Variants in HACE1 observed in about 807,000 individuals in gnomAD.
The protein encoded by HACE1 is E3 ubiquitin-protein ligase HACE1.
Under a neutral mutation model 118.4 loss-of-function variants are expected in HACE1, and 73 were observed. That is an observed-to-expected ratio of 0.62 (90% CI 0.51 to 0.75). The LOEUF is 0.75. HACE1 is among the 30% of genes least tolerant of loss of function. The probability of loss-of-function intolerance (pLI) is 0.00; values close to 1 mark genes in which losing one functional copy is unlikely to be tolerated. For missense variants in HACE1, 749 were observed against 1,102.2 expected, an observed-to-expected ratio of 0.68 and a Z score of 4.54; for synonymous variants, 368 against 374.8, an observed-to-expected ratio of 0.98 and a Z score of 0.21.
intron 22 of HACE1, among the ~76,000 whole-genome samples, chr6:104,737,976 G>A (rs938775849): frequency 6.6e-6 from 1 of 152,320 alleles, no homozygotes; most frequent in East Asian, 1.9e-4. Flanking sequence ...CGCAGCTGGA[G>A]ATCTGAGAAC....
chr6:104,774,991 A>G (rs1272554794), intron 17 of HACE1, among the ~76,000 whole-genome samples: 2 of 152,194 alleles, frequency 1.3e-5, no homozygotes, highest in Non-Finnish European at 2.9e-5. Flanking sequence ...GCTTGATTTT[A>G]ATTTATTAAT....
At position 104,773,550 on chromosome 6, in the gene HACE1, G is replaced by C. The variant is rs553943551; in HGVS notation, c.1865-1476C>G. Among the ~76,000 whole-genome samples the C allele has an allele frequency of 3.4e-4, 52 of 151,880 alleles. 1 individual carries two copies. Among genetic ancestry groups the C allele is most frequent in the Admixed American group, 9.8e-4 (15 of 15,256 alleles). On this transcript the variant is annotated intron_variant, in intron 17 of 23. Transcript: ENST00000262903. ...CAAAGCAAAGCTTTGTGAGATAAAG[G>C]CAGACTTCAAAGACAAATATAATCA...
chr6:104,848,482 A>C (rs1411337918), intron 4 of HACE1, among the ~76,000 whole-genome samples: 2 of 151,786 alleles, frequency 1.3e-5, no homozygotes. Context: ...AAGAGTTTAT[A>C]AAATATAAGT....
intron 1 of HACE1, chr6:104,858,669 A>T (rs926292477): frequency 5.3e-6 from 1 of 187,044 alleles, no homozygotes; most frequent in Admixed American, 6.4e-5. Context: ...AAAGTAAGAT[A>T]AACTACTACA....
intron 19 of HACE1, among the ~76,000 whole-genome samples, chr6:104,759,648 G>T (rs1489094331): frequency 1.3e-5 from 2 of 151,962 alleles, no homozygotes; most frequent in African/African-American, 4.8e-5. Context: ...AACTAGAGAA[G>T]CAAGAGCAAA....
At chr6:104,765,377 A>G (rs1416124439) in intron 19 of HACE1, among the ~76,000 whole-genome samples, 1 of 152,236 alleles carries the variant, frequency 6.6e-6, no homozygotes, top group Non-Finnish European at 1.5e-5. Context: ...TGCCTGTTGC[A>G]CTAGGACATC....
rs531786963 is a variant in HACE1, at chr6:104,768,502, T to A, written c.2211+2691A>T. Among the ~76,000 whole-genome samples the A allele has an allele frequency of 9.2e-5, 14 of 152,264 alleles. 1 individual carries two copies. The South Asian group carries it at 2.9e-3, about 32-fold the overall frequency. Reference sequence around the variant, plus strand: ...TAAAATGTGATGTGTTTCTAAAGATTTTTAAGAGTTTTATATGAATCAGGT... The same window carrying A: ...TAAAATGTGATGTGTTTCTAAAGATATTTAAGAGTTTTATATGAATCAGGT... On this transcript the variant is annotated intron_variant, in intron 19 of 23. Coordinates refer to ENST00000262903, the MANE Select transcript of HACE1 (RefSeq NM_020771.4).
chr6:104,784,544 G>A (rs1248913336), intron 12 of HACE1, 59 bp from the exon 13 acceptor site: 27 of 1,154,122 alleles, frequency 2.3e-5, no homozygotes, highest in South Asian at 4.9e-5. Flanking sequence ...ATAATATAGC[G>A]AACTTGATAA....
intron 14 of HACE1, among the ~76,000 whole-genome samples, chr6:104,783,512 A>G (rs1365858968): frequency 6.6e-6 from 1 of 152,212 alleles, no homozygotes; most frequent in Non-Finnish European, 1.5e-5. Context: ...AGATGAAGAA[A>G]CCAAGGGCTC....
Position 104,852,383 on chromosome 6 carries a change from A to C in HACE1, c.77-12T>G. 2 of 1,441,646 alleles carry C rather than the reference A, an allele frequency of 1.4e-6. No individual in the cohort carries two copies. Among genetic ancestry groups the C allele is most frequent in the Non-Finnish European group, 1.9e-6 (2 of 1,050,258 alleles). The allele number at this position is 1,441,646 out of a possible 1,614,324, so 89.3% of individuals were successfully genotyped here. A position where few individuals can be genotyped will look rare whatever the true frequency, so the allele number is the denominator to read the frequency against. On this transcript the variant is annotated splice_polypyrimidine_tract_variant and intron_variant, in intron 1 of 23. Transcript: ENST00000262903. ...AGCAGTTTCATTATCTGAGTAAAAA[A>C]AAACAAAGAGTTCATTTATCCCCTA...
intron 19 of HACE1, among the ~76,000 whole-genome samples, chr6:104,756,338 G>C (rs1017921789): frequency 2.0e-5 from 3 of 149,750 alleles, no homozygotes; most frequent in Admixed American, 6.7e-5. Context: ...CTTGAACCCA[G>C]TAGGCAGAGG....
intron 22 of HACE1, among the ~76,000 whole-genome samples, chr6:104,736,931 C>T (rs901774616): frequency 6.6e-6 from 1 of 151,976 alleles, no homozygotes; most frequent in African/African-American, 2.4e-5. Context: ...TCTATTTTCT[C>T]CATTTTCCAA....
At chr6:104,794,112 C>A (rs1458545740) in intron 10 of HACE1, among the ~76,000 whole-genome samples, 1 of 152,080 alleles carries the variant, frequency 6.6e-6, no homozygotes, top group Non-Finnish European at 1.5e-5. Flanking sequence ...ATTAGCTTGG[C>A]AAATCATTTA....
At position 104,811,376 on chromosome 6, in the gene HACE1, T is replaced by C. The variant is rs1222553190; in HGVS notation, c.552A>G (p.Leu184=). The C allele has an allele frequency of 2.7e-6, 4 of 1,508,078 alleles. No homozygotes were observed. In the South Asian group the frequency reaches 4.5e-5, roughly 17 times the overall value. 93.4% of individuals were successfully genotyped at this position (1,508,078 alleles called of 1,614,324 possible). ...NGHKTTVQCL[L]DSGADINRPN... ...GCCTGTTAATATCAGCACCACTGTC[T>C]AGCAAGCACTGCACTGTCTGAGGGG... is the stretch of plus-strand genomic sequence containing the variant. Residue 184 remains leucine, a synonymous_variant, in exon 7 of 24, where the codon CTA becomes CTG. Coordinates refer to ENST00000262903, the MANE Select transcript of HACE1 (RefSeq NM_020771.4).
At chr6:104,768,199 C>T (rs1780213367) in intron 19 of HACE1, among the ~76,000 whole-genome samples, 1 of 152,010 alleles carries the variant, frequency 6.6e-6, no homozygotes, top group African/African-American at 2.4e-5. Context: ...AAGGGACTCC[C>T]CCATGTGGAG....
chr6:104,807,994 C>T (rs1322537672), intron 7 of HACE1, among the ~76,000 whole-genome samples: 4 of 152,002 alleles, frequency 2.6e-5, no homozygotes, highest in Non-Finnish European at 5.9e-5. Context: ...CGAGACCAGC[C>T]CAGGCAACAT....
At chr6:104,774,076 TTC>T (rs1780922363) in intron 17 of HACE1, among the ~76,000 whole-genome samples, 2 of 137,252 alleles carry the variant, frequency 1.5e-5, no homozygotes, top group Non-Finnish European at 3.0e-5. Context: ...TTATCATCTT[TTC>T]TCTTTTTTTT....
Position 104,744,049 on chromosome 6 carries a change from T to G in HACE1, c.2513+111A>C, listed in dbSNP as rs1205670443. On this transcript the variant is annotated intron_variant, in intron 22 of 23. Transcript: ENST00000262903. Reference sequence around the variant, plus strand: ...TTAATACCTAAAACAGTGGAAAGGGTGGTAAGTTACTGACAATTCAGAGTA... The same window carrying G: ...TTAATACCTAAAACAGTGGAAAGGGGGGTAAGTTACTGACAATTCAGAGTA... 4 of 735,536 alleles carry G rather than the reference T, an allele frequency of 5.4e-6. No individual in the cohort carries two copies. In the East Asian group the frequency reaches 1.0e-4, roughly 19 times the overall value. The allele number at this position is 735,536 out of a possible 1,614,324, so 45.6% of individuals were successfully genotyped here.
intron 7 of HACE1, among the ~76,000 whole-genome samples, chr6:104,807,172 C>A (rs569994036): frequency 2.4e-4 from 37 of 152,020 alleles, no homozygotes; most frequent in Admixed American, 2.2e-3. Context: ...TACAGGCGTG[C>A]GCCACAATGC....
Sources: gnomAD v4.1 joint callset for allele counts (sites outside exome capture counted in the v4.1 genomes callset) on GRCh38, gnomAD v4.1.1 for gene constraint, MANE v1.5 for transcripts, NCBI Gene and HGNC (gene_info 2026-07-23, HGNC 2026-07-21) for gene names.